Variants in RGS21 observed in about 807,000 individuals in gnomAD.
The protein encoded by RGS21 is regulator of G protein signaling 21, also known as regulator of G-protein signalling 21.
A neutral mutation model predicts 18.7 loss-of-function variants in RGS21; 19 were observed. The observed-to-expected ratio is 1.01, with a 90% CI of 0.71 to 1.49. The LOEUF (loss-of-function observed/expected upper bound fraction) is 1.49, where lower values mean the gene tolerates loss of function less well. RGS21 is among the 40% of genes most tolerant of loss of function. The probability of loss-of-function intolerance (pLI) is 0.00; values close to 1 mark genes in which losing one functional copy is unlikely to be tolerated. For missense variants in RGS21, 194 were observed against 176.8 expected, an observed-to-expected ratio of 1.10 and a Z score of -0.55; for synonymous variants, 56 against 57.8, an observed-to-expected ratio of 0.97 and a Z score of 0.14.
At chr1:192,327,112 A>G (rs533422357) in intron 1 of RGS21, among the ~76,000 whole-genome samples, 41 of 152,198 alleles carry the variant, frequency 2.7e-4, no homozygotes, top group Non-Finnish European at 4.6e-4. Flanking sequence ...ATGTGCATCG[A>G]ATAATAGAGA....
chr1:192,343,094 G>C (rs746320798), intron 2 of RGS21, 47 bp downstream of exon 2: 1 of 1,565,768 alleles, frequency 6.4e-7, no homozygotes, highest in African/African-American at 1.4e-5. Context: ...ATGTACAAAT[G>C]AAACACTTGA....
chr1:192,321,632 T>A (rs1658499085), intron 1 of RGS21, among the ~76,000 whole-genome samples: 2 of 152,058 alleles, frequency 1.3e-5, no homozygotes, highest in African/African-American at 4.8e-5. Context: ...ATGCCATTTT[T>A]ACTCTTATAT....
chr1:192,344,708 A>G (rs1375850649), intron 2 of RGS21, among the ~76,000 whole-genome samples: 1 of 152,130 alleles, frequency 6.6e-6, no homozygotes, highest in African/African-American at 2.4e-5. Flanking sequence ...TGAAAAGTAA[A>G]TGCTATGTTA....
At position 192,345,934 on chromosome 1, in the gene RGS21, A is replaced by G. The variant is rs191597159; in HGVS notation, c.12-1379A>G. Among the ~76,000 whole-genome samples the G allele has an allele frequency of 5.3e-4, 81 of 152,188 alleles. No homozygotes were observed. The East Asian group carries it at 0.013, about 24-fold the overall frequency. On this transcript the variant is annotated intron_variant, in intron 2 of 4. Transcript: ENST00000417209. ...ATATCTTCAATGTAAAATTAAATCT[A>G]GCATTGTGTCTCAACCTCCATTTAT...
At chr1:192,353,740 A>G (rs1659076356) in intron 4 of RGS21, among the ~76,000 whole-genome samples, 1 of 151,662 alleles carries the variant, frequency 6.6e-6, no homozygotes, top group African/African-American at 2.4e-5. Context: ...ATTAATTTAT[A>G]CTGTAATAAT....
intron 4 of RGS21, among the ~76,000 whole-genome samples, chr1:192,365,429 A>G (rs1289227012): frequency 1.3e-5 from 2 of 152,118 alleles, no homozygotes; most frequent in Non-Finnish European, 1.5e-5. Flanking sequence ...TAAAGAGGGG[A>G]TGTTATTTGA....
At chr1:192,333,683 G>A (rs1658697860) in intron 1 of RGS21, among the ~76,000 whole-genome samples, 1 of 150,434 alleles carries the variant, frequency 6.6e-6, no homozygotes, top group South Asian at 2.1e-4. Context: ...AGGGGTTAGG[G>A]ATGATGCAGA....
chr1:192,352,203 C>A lies in RGS21; in HGVS notation c.245C>A (p.Ala82Glu), dbSNP rs1659052757. The change falls in exon 4 of 5, where the codon GCA becomes GAA. Residue 82 changes from alanine to glutamate, a missense_variant. By Grantham distance (107) the Ala-to-Glu change is moderately radical (BLOSUM62 -1). Transcript: ENST00000417209. The part of the protein sequence containing the change: ...MIYSEFIEAD[A>E]PKEINIDFGT... ...TATTCTGAATTCATTGAAGCTGATG[C>A]ACCTAAAGAGGTGAGTGAACTACTT... is the stretch of plus-strand genomic sequence containing the variant. 6.2e-7 allele frequency: 1 copy of A among 1,603,998 alleles called. No individual in the cohort carries two copies.
intron 4 of RGS21, among the ~76,000 whole-genome samples, chr1:192,354,127 T>C (rs1659081244): frequency 6.6e-6 from 1 of 151,816 alleles, no homozygotes; most frequent in Non-Finnish European, 1.5e-5. Flanking sequence ...GTGTTATAGT[T>C]ATACTATTAG....
At chr1:192,344,923 C>T (rs1194190672) in intron 2 of RGS21, among the ~76,000 whole-genome samples, 1 of 152,046 alleles carries the variant, frequency 6.6e-6, no homozygotes. Context: ...ACCCATATAA[C>T]TAATTCTATT....
intron 2 of RGS21, 148 bp downstream of exon 2, chr1:192,343,195 TTTC>T: frequency 1.2e-6 from 1 of 812,634 alleles, no homozygotes; most frequent in Non-Finnish European, 2.0e-6. Context: ...TCTCTACTGA[TTTC>T]TTCTTTTTGA....
intron 4 of RGS21, among the ~76,000 whole-genome samples, chr1:192,364,916 T>C (rs1277082798): frequency 6.6e-6 from 1 of 152,062 alleles, no homozygotes; most frequent in Admixed American, 6.6e-5. Flanking sequence ...GCAGGTCATC[T>C]GAGGTCAGGA....
chr1:192,324,198 T>C (rs1658534843), intron 1 of RGS21, among the ~76,000 whole-genome samples: 1 of 152,088 alleles, frequency 6.6e-6, no homozygotes, highest in South Asian at 2.1e-4. Flanking sequence ...CAATGGGTCT[T>C]TTTACTAACA....
At chr1:192,326,097 A>C (rs1274063161) in intron 1 of RGS21, among the ~76,000 whole-genome samples, 1 of 152,078 alleles carries the variant, frequency 6.6e-6, no homozygotes, top group African/African-American at 2.4e-5. Context: ...TTACAACTTA[A>C]ATATAAGGAA....
chr1:192,342,617 G>A (rs1658888272), intron 1 of RGS21, among the ~76,000 whole-genome samples: 1 of 151,414 alleles, frequency 6.6e-6, no homozygotes, highest in Non-Finnish European at 1.5e-5. Context: ...TGATCTCTTA[G>A]GCAGATTAAA....
rs1659262431 is a variant in RGS21, at chr1:192,366,569, T to C, written c.*445T>C. ...CATTTAATATATTTAACTGTTTTTT[T>C]TCTGCCATTTCTTTCCAACTATTTC... On this transcript the variant is annotated 3_prime_UTR_variant, in exon 5 of 5. Transcript: ENST00000417209. 1 of 152,604 alleles carries C rather than the reference T, an allele frequency of 6.6e-6. No homozygotes were observed. Among genetic ancestry groups the C allele is most frequent in the South Asian group, 2.1e-4 (1 of 4,852 alleles). 9.5% of individuals were successfully genotyped at this position (152,604 alleles called of 1,614,324 possible).
chr1:192,342,495 C>T (rs1658885433), intron 1 of RGS21, among the ~76,000 whole-genome samples: 1 of 151,772 alleles, frequency 6.6e-6, no homozygotes, highest in South Asian at 2.1e-4. Flanking sequence ...CATTTTAGTT[C>T]ATGAATAAAA....
chr1:192,326,235 T>C (rs988295654), intron 1 of RGS21, among the ~76,000 whole-genome samples: 1 of 152,070 alleles, frequency 6.6e-6, no homozygotes, highest in Non-Finnish European at 1.5e-5. Context: ...CTTAATGATA[T>C]AAAAGTTATT....
chr1:192,340,641 G>A (rs1658844387), intron 1 of RGS21, among the ~76,000 whole-genome samples: 1 of 152,054 alleles, frequency 6.6e-6, no homozygotes, highest in Non-Finnish European at 1.5e-5. Context: ...ACATGTATTA[G>A]TCTGTTCTCA....
Sources: allele counts gnomAD v4.1 joint callset (sites outside exome capture counted in the v4.1 genomes callset), GRCh38; gene constraint gnomAD v4.1.1; transcripts MANE v1.5; gene names NCBI Gene and HGNC (gene_info 2026-07-23, HGNC 2026-07-21).